KLC2: variants seen among roughly 807,000 people sequenced by gnomAD.
KLC2 encodes kinesin light chain 2, also known as KLC 2.
A neutral mutation model predicts 75.1 loss-of-function variants in KLC2; 35 were observed. The observed-to-expected ratio is 0.47, with a 90% CI of 0.36 to 0.62. KLC2 has a LOEUF of 0.62. Among genes scored for constraint, KLC2 ranks in the 20% least tolerant of loss-of-function variants. KLC2 has a pLI of 0.00. For missense variants in KLC2, 611 were observed against 833.2 expected (o/e 0.73, Z 3.28); for synonymous variants, 314 against 336.7 (o/e 0.93, Z 0.74).
Position 66,266,416 on chromosome 11 carries a change from C to A in KLC2, c.1728-17C>A. ...AGTTCCTCCTTGGGCAAATCCCAGG[C>A]TGTCCTTTTCCCTCAGGATGAAGCG... On this transcript the variant is annotated splice_polypyrimidine_tract_variant and intron_variant, in intron 14 of 15. Transcript: ENST00000394067. The A allele has an allele frequency of 6.3e-7, 1 of 1,592,028 alleles. No homozygotes were observed. The highest frequency in any genetic ancestry group is 8.6e-7 in the Non-Finnish European group (1 of 1,166,338).
At position 66,265,244 on chromosome 11, in the gene KLC2, G is replaced by A; in HGVS notation, c.1334+9G>A. 1 of 1,561,858 alleles carries A rather than the reference G, an allele frequency of 6.4e-7. No individual in the cohort carries two copies. On this transcript the variant is annotated intron_variant, in intron 11 of 15. Transcript: ENST00000394067. ...GCCTGTAAAGTAGACAGGTGAGTGGGGCGGGGCTGGGCTGGGGAGCAGGGC... is the reference window on the plus strand; with the variant it reads ...GCCTGTAAAGTAGACAGGTGAGTGGAGCGGGGCTGGGCTGGGGAGCAGGGC...
chr11:66,264,329 G>A lies in KLC2; in HGVS notation c.1117-16G>A. 1 of 1,604,982 alleles carries A rather than the reference G, an allele frequency of 6.2e-7. No homozygotes were observed. Among genetic ancestry groups the A allele is most frequent in the Middle Eastern group, 1.7e-4 (1 of 6,048 alleles). On this transcript the variant is annotated splice_polypyrimidine_tract_variant and intron_variant, in intron 8 of 15. Coordinates refer to ENST00000394067, the MANE Select transcript of KLC2 (RefSeq NM_001318734.2). ...CTGCATGCATCCCGCTCACTCTCTG[G>A]GTCTCCCGCTTCCAGGCTTCCTGCT... is the stretch of plus-strand genomic sequence containing the variant.
upstream of KLC2, among the ~76,000 whole-genome samples, chr11:66,257,094 TG>T (rs1203170958): frequency 6.6e-6 from 1 of 152,230 alleles, no homozygotes; most frequent in Non-Finnish European, 1.5e-5. Context: ...GAGCTAGGGC[TG>T]TGGATGAGCA....
At chr11:66,266,693 G>A (rs1043436443) in intron 15 of KLC2, 180 bp from the exon 16 acceptor site, 5 of 840,586 alleles carry the variant, frequency 5.9e-6, no homozygotes, top group Non-Finnish European at 6.1e-6. Flanking sequence ...TGCTAACACC[G>A]TCACTGTGGA....
upstream of KLC2, among the ~76,000 whole-genome samples, chr11:66,255,520 C>T (rs1855999469): frequency 2.0e-5 from 3 of 151,808 alleles, no homozygotes; most frequent in African/African-American, 7.3e-5. Flanking sequence ...GAAAATAAGG[C>T]CAATGTGAGG....
At chr11:66,248,124 TCTAA>T in the KLC2 span, among the ~76,000 whole-genome samples, 2 of 152,200 alleles carry the variant, frequency 1.3e-5, no homozygotes, top group African/African-American at 4.8e-5. Context: ...AGAGCCTCTA[TCTAA>T]CCTGCACGCC....
At chr11:66,245,790 G>A in the KLC2 span, among the ~76,000 whole-genome samples, 1 of 152,202 alleles carries the variant, frequency 6.6e-6, no homozygotes, top group African/African-American at 2.4e-5. Context: ...GCTGAGGCAC[G>A]AGAATCACTT....
chr11:66,267,019 C>T lies in KLC2; in HGVS notation c.*63C>T, dbSNP rs1856881911. The stretch of plus-strand genomic sequence containing the variant: ...GCACACCCCCCTCACCCCAGCCCTG[C>T]GCATGGGCCTGCTGCTTGTCCCGCC... On this transcript the variant is annotated 3_prime_UTR_variant, in exon 16 of 16. Transcript: ENST00000394067. 6.9e-6 allele frequency: 11 copies of T among 1,591,652 alleles called. No individual in the cohort carries two copies. The highest frequency in any genetic ancestry group is 2.3e-5 in the East Asian group (1 of 43,868).
the KLC2 span, among the ~76,000 whole-genome samples, chr11:66,252,052 C>G: frequency 1.3e-5 from 2 of 152,228 alleles, no homozygotes; most frequent in African/African-American, 4.8e-5. Flanking sequence ...ACACAGCTCA[C>G]GCTTGCTTCT....
chr11:66,267,076 C>T lies in KLC2; in HGVS notation c.*120C>T. 6.4e-7 allele frequency: 1 copy of T among 1,551,782 alleles called. No homozygotes were observed. Among genetic ancestry groups the T allele is most frequent in the Non-Finnish European group, 8.7e-7 (1 of 1,148,520 alleles). ...TCCCACAGCCCCTGTCTTTTCTGTT[C>T]AATCTCAGGGTAACCTTCTCCCTTG... On this transcript the variant is annotated 3_prime_UTR_variant, in exon 16 of 16. Coordinates refer to ENST00000394067, the MANE Select transcript of KLC2 (RefSeq NM_001318734.2).
chr11:66,253,457 G>A (rs1334058801), upstream of KLC2, among the ~76,000 whole-genome samples: 2 of 152,252 alleles, frequency 1.3e-5, no homozygotes, highest in East Asian at 3.8e-4. Context: ...GGAGGAAACA[G>A]TAATATTAAA....
chr11:66,261,524 T>C, intron 2 of KLC2: 2 of 536,674 alleles, frequency 3.7e-6, no homozygotes, highest in Non-Finnish European at 6.7e-6. Flanking sequence ...AGGAAGGAAC[T>C]GGGGACTCCC....
Position 66,266,077 on chromosome 11 carries a change from G to A in KLC2, c.1603-16G>A, listed in dbSNP as rs1856802864. 1 of 1,613,946 alleles carries A rather than the reference G, an allele frequency of 6.2e-7. No individual in the cohort carries two copies. The highest frequency in any genetic ancestry group is 8.5e-7 in the Non-Finnish European group (1 of 1,179,942). On this transcript the variant is annotated splice_polypyrimidine_tract_variant and intron_variant, in intron 13 of 15. Coordinates refer to ENST00000394067, the MANE Select transcript of KLC2 (RefSeq NM_001318734.2). Reference sequence around the variant, plus strand: ...GGTGGCCAGCGGGGCCTAGAGGCAAGCCTGTCCACCTGCAGGATGGCAGTG... The same window carrying A: ...GGTGGCCAGCGGGGCCTAGAGGCAAACCTGTCCACCTGCAGGATGGCAGTG...
chr11:66,263,174 G>C, intron 5 of KLC2, 138 bp downstream of exon 5: 3 of 644,336 alleles, frequency 4.7e-6, no homozygotes, highest in Non-Finnish European at 8.1e-6. Context: ...AAACTGTCTA[G>C]TGTAAGAGAG....
rs764636272 is a variant in KLC2, at chr11:66,258,670, C to A, written c.76C>A (p.Gln26Lys). 1 of 1,614,040 alleles carries A rather than the reference C, an allele frequency of 6.2e-7. No individual in the cohort carries two copies. The highest frequency in any genetic ancestry group is 1.1e-5 in the South Asian group (1 of 91,090). Residue 26 changes from glutamine (Q) to lysine (K), a missense_variant, in exon 2 of 16, where the codon CAG becomes AAG. Coordinates refer to ENST00000394067, the MANE Select transcript of KLC2 (RefSeq NM_001318734.2). ...EIVLGTKAVI[Q>K]GLETLRGEHR... Reference sequence around the variant, plus strand: ...CGTGCTGGGCACCAAGGCTGTCATCCAGGGACTGGAGACTCTGCGTGGGGA... The same window carrying A: ...CGTGCTGGGCACCAAGGCTGTCATCAAGGGACTGGAGACTCTGCGTGGGGA...
chr11:66,264,879 C>A, intron 9 of KLC2, 144 bp from the exon 10 acceptor site: 1 of 695,100 alleles, frequency 1.4e-6, no homozygotes, highest in South Asian at 1.8e-5. Flanking sequence ...AGAAGAGGGT[C>A]AGCAGTGTTT....
intron 2 of KLC2, chr11:66,260,942 CCAGT>C (rs1856360919): frequency 6.6e-6 from 1 of 151,902 alleles, no homozygotes; most frequent in Admixed American, 6.6e-5. Flanking sequence ...ACCCGTAGTC[CCAGT>C]TACTCAGGAG....
chr11:66,267,731 A>C lies in KLC2; in HGVS notation c.*775A>C, dbSNP rs1590880460. The C allele has an allele frequency of 2.5e-5, 10 of 392,496 alleles. No individual in the cohort carries two copies. The highest frequency in any genetic ancestry group is 4.8e-5 in the South Asian group (1 of 20,936). 24.3% of individuals were successfully genotyped at this position (392,496 alleles called of 1,614,324 possible). On this transcript the variant is annotated 3_prime_UTR_variant, in exon 16 of 16. Coordinates refer to ENST00000394067, the MANE Select transcript of KLC2 (RefSeq NM_001318734.2). ...GAGCCATCCTGCCTCGCCTCCCCCC[A>C]CGCCTGCAGCTTCTCGCGAGGGGCG...
At chr11:66,251,753 CAA>C in the KLC2 span, among the ~76,000 whole-genome samples, 1 of 152,166 alleles carries the variant, frequency 6.6e-6, no homozygotes, top group Non-Finnish European at 1.5e-5. Context: ...GCCTGGGCAA[CAA>C]GAGTGAAACT....
Sources: allele counts gnomAD v4.1 joint callset (sites outside exome capture counted in the v4.1 genomes callset), GRCh38; gene constraint gnomAD v4.1.1; transcripts MANE v1.5; gene names NCBI Gene and HGNC (gene_info 2026-07-23, HGNC 2026-07-21).